XKR4: variants seen among roughly 807,000 people sequenced by gnomAD.
XKR4 encodes the protein XK-related protein 4.
Under a neutral mutation model 53.9 loss-of-function variants are expected in XKR4, and 12 were observed. That is an observed-to-expected ratio of 0.22 (90% confidence interval 0.14 to 0.36). XKR4 has a LOEUF of 0.36. XKR4 is among the 10% of genes least tolerant of loss of function. The probability of loss-of-function intolerance (pLI) is 1.00; values close to 1 mark genes in which losing one functional copy is unlikely to be tolerated. For missense variants in XKR4, 799 were observed against 859.5 expected (o/e 0.93, Z 0.88); for synonymous variants, 354 against 362.4 (o/e 0.98, Z 0.26).
intron 2 of XKR4, among the ~76,000 whole-genome samples, chr8:55,476,841 G>T (rs1473483774): frequency 6.6e-6 from 1 of 152,088 alleles, no homozygotes; most frequent in Admixed American, 6.5e-5. Flanking sequence ...AGCGAGGCTG[G>T]GGGAGGGGCA....
At chr8:55,521,575 A>G (rs1402546245) in intron 2 of XKR4, among the ~76,000 whole-genome samples, 6 of 152,232 alleles carry the variant, frequency 3.9e-5, no homozygotes, top group African/African-American at 1.4e-4. Context: ...AAGAAAAGAA[A>G]AGAAAAACCT....
chr8:55,355,778 A>C (rs1803789553), intron 1 of XKR4, among the ~76,000 whole-genome samples: 1 of 152,236 alleles, frequency 6.6e-6, no homozygotes, highest in Non-Finnish European at 1.5e-5. Context: ...CATGAATTCT[A>C]TATCCATCCA....
chr8:55,199,525 T>G (rs1377932566), intron 1 of XKR4, among the ~76,000 whole-genome samples: 1 of 152,218 alleles, frequency 6.6e-6, no homozygotes, highest in African/African-American at 2.4e-5. Flanking sequence ...TAAGTTATCT[T>G]TAGGTCCCCA....
intron 1 of XKR4, among the ~76,000 whole-genome samples, chr8:55,356,421 A>G (rs1803797330): frequency 6.6e-6 from 1 of 152,226 alleles, no homozygotes; most frequent in South Asian, 2.1e-4. Flanking sequence ...AAAATATGCA[A>G]GAAATTTAAA....
At chr8:55,249,521 A>G (rs980127612) in intron 1 of XKR4, among the ~76,000 whole-genome samples, 2 of 152,192 alleles carry the variant, frequency 1.3e-5, no homozygotes, top group African/African-American at 4.8e-5. Context: ...TCCCTGGGCC[A>G]AGTGCATGGT....
chr8:55,102,757 G>C lies in XKR4; in HGVS notation c.269G>C (p.Gly90Ala). ...GGCGTCGCCGGCCCGGGCGGCGGCG[G>C]GGCGGGCTCGGCTGCGCTGTGCCTG... is the stretch of plus-strand genomic sequence containing the variant. ...SGGVAGPGGGGAGSAALCLRL... is the reference protein window; with the variant it reads ...SGGVAGPGGGAAGSAALCLRL... Residue 90 changes from glycine to alanine, a missense_variant, in exon 1 of 3, where the codon GGG becomes GCG. Around this residue, in one of 3 missense-constraint regions of XKR4, gnomAD observed 476 missense variants for 505.4 expected, o/e 0.94. Coordinates refer to ENST00000327381, the MANE Select transcript of XKR4 (RefSeq NM_052898.2). The surrounding 1 kb of genome is among the most constrained non-coding windows in gnomAD (Gnocchi z 5.1). 7.8e-7 allele frequency: 1 copy of C among 1,288,998 alleles called. No homozygotes were observed. Among genetic ancestry groups the C allele is most frequent in the Non-Finnish European group, 9.8e-7 (1 of 1,019,632 alleles). The allele number at this position is 1,288,998 out of a possible 1,614,324, so 79.8% of individuals were successfully genotyped here.
intron 1 of XKR4, among the ~76,000 whole-genome samples, chr8:55,266,353 C>T (rs976357826): frequency 2.6e-5 from 4 of 151,852 alleles, no homozygotes; most frequent in Non-Finnish European, 2.9e-5. Flanking sequence ...TGGCACCATC[C>T]TCCAGCTGTC....
rs997893551 is a variant in XKR4, at chr8:55,357,558, G to A, written c.807-120G>A. 163 of 976,994 alleles carry A rather than the reference G, an allele frequency of 1.7e-4. 1 individual carries two copies. Among genetic ancestry groups the A allele is most frequent in the East Asian group, 2.0e-4 (8 of 39,080 alleles). The allele number at this position is 976,994 out of a possible 1,614,324, so 60.5% of individuals were successfully genotyped here. A position where few individuals can be genotyped will look rare whatever the true frequency, so the allele number is the denominator to read the frequency against. On this transcript the variant is annotated intron_variant, in intron 1 of 2. Transcript: ENST00000327381. The stretch of plus-strand genomic sequence containing the variant: ...TTTGGACTTTAACTCATAAGCCCCC[G>A]AGGTAATTGTTTCTTGTGCTTGCTT...
At chr8:55,454,757 A>T in intron 2 of XKR4, 2 of 784,464 alleles carry the variant, frequency 2.5e-6, no homozygotes, top group Non-Finnish European at 4.7e-6. Flanking sequence ...TCAAGTCGCG[A>T]CACAGGTACC....
At chr8:55,125,430 C>T (rs767326310) in intron 1 of XKR4, among the ~76,000 whole-genome samples, 4 of 152,142 alleles carry the variant, frequency 2.6e-5, no homozygotes, top group Non-Finnish European at 2.9e-5. Context: ...GATGGGGTTT[C>T]TCCATGTTGG....
Position 55,308,377 on chromosome 8 carries a change from T to C in XKR4, c.807-49301T>C, listed in dbSNP as rs1261653573. Among the ~76,000 whole-genome samples, 5 of 152,182 alleles carry C rather than the reference T, an allele frequency of 3.3e-5. No individual in the cohort carries two copies. In the South Asian group the frequency reaches 8.3e-4, roughly 25 times the overall value. On this transcript the variant is annotated intron_variant, in intron 1 of 2. Coordinates refer to ENST00000327381, the MANE Select transcript of XKR4 (RefSeq NM_052898.2). ...GGAGGCCTAAGGAAACTTACAATCA[T>C]GGTGGAAGGCAAAACAGTCACCTTT...
At chr8:55,337,105 GA>G (rs1169178890) in intron 1 of XKR4, among the ~76,000 whole-genome samples, 1 of 152,138 alleles carries the variant, frequency 6.6e-6, no homozygotes, top group Non-Finnish European at 1.5e-5. Flanking sequence ...CCCAACAGTG[GA>G]TGTGACTGCC....
chr8:55,332,607 T>C (rs2129380899), intron 1 of XKR4, among the ~76,000 whole-genome samples: 1 of 152,194 alleles, frequency 6.6e-6, no homozygotes, highest in Middle Eastern at 3.4e-3. Context: ...CCCCTTTCAG[T>C]TCTTTAAATA....
intron 2 of XKR4, among the ~76,000 whole-genome samples, chr8:55,408,328 A>G (rs1351983826): frequency 1.3e-5 from 2 of 152,226 alleles, no homozygotes; most frequent in South Asian, 2.1e-4. Context: ...TTACACTGCT[A>G]GGAAGTGGCA....
chr8:55,487,467 C>CT (rs34679908), intron 2 of XKR4, among the ~76,000 whole-genome samples: 59,048 of 143,306 alleles, frequency 0.41, 12,627 homozygotes, highest in East Asian at 0.53. Flanking sequence ...GACATGCTTT[C>CT]TTTTTTTTTT....
At chr8:55,434,645 CAG>C (rs1321090955) in intron 2 of XKR4, among the ~76,000 whole-genome samples, 6 of 152,174 alleles carry the variant, frequency 3.9e-5, no homozygotes, top group African/African-American at 1.4e-4. Flanking sequence ...TGTTTGCAAA[CAG>C]AGTCTCCTGT....
At chr8:55,488,149 C>T (rs187338004) in intron 2 of XKR4, among the ~76,000 whole-genome samples, 2 of 152,246 alleles carry the variant, frequency 1.3e-5, no homozygotes, top group African/African-American at 4.8e-5. Flanking sequence ...TAAAAAGTCA[C>T]GGACAATGAG....
chr8:55,194,038 C>T (rs567433452), intron 1 of XKR4, among the ~76,000 whole-genome samples: 1 of 152,346 alleles, frequency 6.6e-6, no homozygotes, highest in African/African-American at 2.4e-5. Flanking sequence ...CCTGGGTCCC[C>T]CTCCTGTCCA....
intron 1 of XKR4, among the ~76,000 whole-genome samples, chr8:55,122,762 T>G (rs1585890044): frequency 6.6e-6 from 1 of 152,240 alleles, no homozygotes; most frequent in Non-Finnish European, 1.5e-5. Context: ...TGAACTCTAT[T>G]CTAAATGCTG....
Sources: gnomAD v4.1 joint callset for allele counts (sites outside exome capture counted in the v4.1 genomes callset) on GRCh38, gnomAD v4.1.1 for gene constraint, gnomAD v4.1.1 regional missense constraint, Gnocchi (gnomAD v3.1) non-coding constraint, MANE v1.5 for transcripts, NCBI Gene and HGNC (gene_info 2026-07-23, HGNC 2026-07-21) for gene names.